Variants in MVP observed in about 807,000 individuals in gnomAD.
MVP encodes the protein major vault protein.
A neutral mutation model predicts 83.5 loss-of-function variants in MVP; 62 were observed. The ratio of observed to expected loss-of-function variants is 0.74; its 90% confidence interval spans 0.61 to 0.92. The LOEUF (loss-of-function observed/expected upper bound fraction) is 0.92, where lower values mean the gene tolerates loss of function less well. MVP is among the 40% of genes least tolerant of loss of function. MVP has a pLI of 0.00. For synonymous variants in MVP, 505 were observed against 504.1 expected (o/e 1.00, Z -0.02); for missense variants, 1,000 against 1,203.4 (o/e 0.83, Z 2.50).
chr16:29,827,647 C>T (rs771222212), intron 1 of MVP, among the ~76,000 whole-genome samples: 3 of 152,162 alleles, frequency 2.0e-5, no homozygotes, highest in Non-Finnish European at 4.4e-5. Flanking sequence ...GGTACGGTAG[C>T]GTACCCCTGT....
At chr16:29,842,284 T>G (rs1374112648) in intron 10 of MVP, among the ~76,000 whole-genome samples, 172 bp downstream of exon 10, 1 of 152,020 alleles carries the variant, frequency 6.6e-6, no homozygotes. Context: ...GTTTTTTGTT[T>G]TTTTAGTTTT....
At chr16:29,820,741 C>G (rs1295712912) in intron 1 of MVP, 1 of 152,334 alleles carries the variant, frequency 6.6e-6, no homozygotes, top group Non-Finnish European at 1.5e-5. Flanking sequence ...AGATTAACAC[C>G]AACACCGGTC....
intron 1 of MVP, among the ~76,000 whole-genome samples, chr16:29,825,600 TCCTGGTGCTGATGCAGGGGCAGTTG>T (rs540653992): frequency 6.5e-4 from 99 of 152,048 alleles, no homozygotes; most frequent in African/African-American, 2.2e-3. Context: ...TGAGGTGGGG[TCCTGGTGCTGATGCAGGGGCAGTTG>T]CCGAGGGCTT....
chr16:29,827,786 C>T lies in MVP; in HGVS notation c.-35-2729C>T, dbSNP rs146227128. 1.7e-3 allele frequency among the ~76,000 whole-genome samples: 264 copies of T among 151,536 alleles called. 2 individuals are homozygous for T. The highest frequency in any genetic ancestry group is 6.2e-3 in the African/African-American group (257 of 41,382). Reference sequence around the variant, plus strand: ...AAAAAATTAGCTAGGCGTGGTGGCACATGCCTGTAATCCCAGCTACTCGGG... The same window carrying T: ...AAAAAATTAGCTAGGCGTGGTGGCATATGCCTGTAATCCCAGCTACTCGGG... On this transcript the variant is annotated intron_variant, in intron 1 of 14. Coordinates refer to ENST00000357402, the MANE Select transcript of MVP (RefSeq NM_005115.5).
chr16:29,831,718 C>G (rs1406251680), intron 3 of MVP: 4 of 455,980 alleles, frequency 8.8e-6, no homozygotes, highest in Non-Finnish European at 1.8e-5. Context: ...AGTTCATTCA[C>G]CCGGTGCCAG....
At chr16:29,834,464 C>T in intron 5 of MVP, 2 of 271,098 alleles carry the variant, frequency 7.4e-6, no homozygotes, top group East Asian at 2.1e-4. Flanking sequence ...AGCCCAGGAG[C>T]TTAAGACCAG....
intron 1 of MVP, among the ~76,000 whole-genome samples, chr16:29,824,710 C>A (rs913330308): frequency 6.6e-6 from 1 of 151,960 alleles, no homozygotes; most frequent in African/African-American, 2.4e-5. Context: ...TGCAGTGAGC[C>A]GAGATTGTGC....
At chr16:29,831,401 G>A (rs1567389492) in intron 3 of MVP, among the ~76,000 whole-genome samples, 1 of 152,186 alleles carries the variant, frequency 6.6e-6, no homozygotes, top group Non-Finnish European at 1.5e-5. Flanking sequence ...TGATCCACCT[G>A]CCTCGGCCTC....
At chr16:29,843,362 G>A (rs1213657187) in intron 10 of MVP, among the ~76,000 whole-genome samples, 1 of 150,980 alleles carries the variant, frequency 6.6e-6, no homozygotes, top group East Asian at 1.9e-4. Context: ...GGGCATGGTG[G>A]TACATGTCTA....
At position 29,830,644 on chromosome 16, in the gene MVP, C is replaced by T; in HGVS notation, c.95C>T (p.Pro32Leu). The change falls in exon 2 of 15, where the codon CCA (proline) becomes CTA (leucine). Residue 32 changes from proline to leucine, a missense_variant. Pro to Leu is a moderately conservative substitution (Grantham distance 98). Coordinates refer to ENST00000357402, the MANE Select transcript of MVP (RefSeq NM_005115.5). ...AACGTGTCCCGTGTGGAGGTCGGGC[C>T]AAAGACCTACATCCGGCAGGACAAT... ...NSNVSRVEVG[P>L]KTYIRQDNER... 6.2e-7 allele frequency: 1 copy of T among 1,613,574 alleles called. No individual in the cohort carries two copies. The highest frequency in any genetic ancestry group is 8.5e-7 in the Non-Finnish European group (1 of 1,179,844).
intron 1 of MVP, among the ~76,000 whole-genome samples, chr16:29,823,755 A>G (rs1046718092): frequency 6.6e-6 from 1 of 151,650 alleles, no homozygotes; most frequent in African/African-American, 2.4e-5. Context: ...AGGCAGGAGA[A>G]TGGCATGAAC....
intron 7 of MVP, among the ~76,000 whole-genome samples, chr16:29,838,292 T>C (rs1215846495): frequency 6.6e-6 from 1 of 151,926 alleles, no homozygotes; most frequent in East Asian, 1.9e-4. Flanking sequence ...AAAAATTAGC[T>C]GGGCATGGTG....
rs901364705 is a variant in MVP, at chr16:29,820,529, C to T, written c.-36+19C>T. The T allele has an allele frequency of 5.3e-5, 8 of 152,248 alleles. No homozygotes were observed. Among genetic ancestry groups the T allele is most frequent in the African/African-American group, 1.9e-4 (8 of 41,432 alleles). The allele number at this position is 152,248 out of a possible 1,614,324, so 9.4% of individuals were successfully genotyped here. ...TCTAGATGTGAGTACATTGTACTAG[C>T]CCCCCAAACCCCAAATCAGGGGCAG... On this transcript the variant is annotated intron_variant, in intron 1 of 14. Coordinates refer to ENST00000357402, the MANE Select transcript of MVP (RefSeq NM_005115.5).
intron 1 of MVP, among the ~76,000 whole-genome samples, chr16:29,826,495 T>C (rs1303031161): frequency 6.6e-6 from 1 of 151,788 alleles, no homozygotes; most frequent in African/African-American, 2.4e-5. Flanking sequence ...GGTGTGGCAG[T>C]ACGTATCTAC....
rs2067601394 is a variant in MVP at position 29,848,019 on chromosome 16, G to A, written c.*30G>A. On this transcript the variant is annotated 3_prime_UTR_variant, in exon 15 of 15. Coordinates refer to ENST00000357402, the MANE Select transcript of MVP (RefSeq NM_005115.5). Reference sequence around the variant, plus strand: ...TGATTAATACAATGGAAGTTTCTGGGCATTTACAATTTCAACACTTTTCTC... The same window carrying A: ...TGATTAATACAATGGAAGTTTCTGGACATTTACAATTTCAACACTTTTCTC... 1 of 1,596,878 alleles carries A rather than the reference G, an allele frequency of 6.3e-7. No individual in the cohort carries two copies.
chr16:29,828,039 C>G (rs889007586), intron 1 of MVP, among the ~76,000 whole-genome samples: 1 of 152,154 alleles, frequency 6.6e-6, no homozygotes, highest in East Asian at 1.9e-4. Context: ...TGGCTCACTG[C>G]AACCTCTGCC....
At chr16:29,839,081 G>A (rs760366767) in intron 7 of MVP, among the ~76,000 whole-genome samples, 7 of 152,012 alleles carry the variant, frequency 4.6e-5, no homozygotes, top group Admixed American at 6.6e-5. Flanking sequence ...GCTACTGCTC[G>A]GGAGGCTGAG....
chr16:29,826,550 T>C (rs2067405598), intron 1 of MVP, among the ~76,000 whole-genome samples: 1 of 147,488 alleles, frequency 6.8e-6, no homozygotes, highest in Admixed American at 7.0e-5. Flanking sequence ...TCCCTTGAGC[T>C]GAGGAGTTCA....
Position 29,844,724 on chromosome 16 carries a change from C to T in MVP, c.1866C>T (p.Pro622=). 1 of 1,613,554 alleles carries T rather than the reference C, an allele frequency of 6.2e-7. No individual in the cohort carries two copies. Among genetic ancestry groups the T allele is most frequent in the Middle Eastern group, 1.7e-4 (1 of 6,060 alleles). ...KGPDGMALPR[P]RDQAVFPQNG... The stretch of plus-strand genomic sequence containing the variant: ...CCGATGGCATGGCCCTGCCCAGGCC[C>T]CGGGACCAGGCTGTCTTCCCCCAAA... The change falls in exon 11 of 15, where the codon CCC becomes CCT. Residue 622 remains proline (P), a synonymous_variant. Coordinates refer to ENST00000357402, the MANE Select transcript of MVP (RefSeq NM_005115.5).
Sources: allele counts gnomAD v4.1 joint callset (sites outside exome capture counted in the v4.1 genomes callset), GRCh38; gene constraint gnomAD v4.1.1; transcripts MANE v1.5; gene names NCBI Gene and HGNC (gene_info 2026-07-23, HGNC 2026-07-21).